PCSK6: variants seen among roughly 807,000 people sequenced by gnomAD.
PCSK6 encodes proprotein convertase subtilisin/kexin type 6.
PCSK6 carries 85 observed loss-of-function variants against 123.3 expected under a neutral mutation model. The observed-to-expected ratio is 0.69, with a 90% CI of 0.58 to 0.83. The LOEUF is 0.83. Among genes scored for constraint, PCSK6 ranks in the 40% least tolerant of loss-of-function variants. The probability of loss-of-function intolerance (pLI) is 0.00; values close to 1 mark genes in which losing one functional copy is unlikely to be tolerated. For synonymous variants in PCSK6, 508 were observed against 516.0 expected (o/e 0.98, Z 0.21); for missense variants, 1,191 against 1,282.3 (o/e 0.93, Z 1.09).
At chr15:101,381,623 G>C (rs2041912154) in intron 11 of PCSK6, among the ~76,000 whole-genome samples, 1 of 152,230 alleles carries the variant, frequency 6.6e-6, no homozygotes, top group African/African-American at 2.4e-5. Context: ...TGACCCAGCT[G>C]CTCCTGCTCA....
chr15:101,487,812 G>C (rs994776164), intron 1 of PCSK6, among the ~76,000 whole-genome samples: 1 of 152,150 alleles, frequency 6.6e-6, no homozygotes, highest in Admixed American at 6.5e-5. Context: ...AGAGACAAAC[G>C]AAGTCAGTGC....
chr15:101,356,289 C>T (rs2041038217), intron 13 of PCSK6, among the ~76,000 whole-genome samples: 2 of 152,074 alleles, frequency 1.3e-5, no homozygotes, highest in African/African-American at 4.8e-5. Context: ...GGAAGCTGCC[C>T]CCTCTTCCAC....
intron 13 of PCSK6, among the ~76,000 whole-genome samples, chr15:101,355,598 G>A (rs1393422968): frequency 6.6e-6 from 1 of 152,242 alleles, no homozygotes. Flanking sequence ...CAGCAGACCC[G>A]GCATGGGGCA....
chr15:101,392,600 T>TC (rs1324853505), intron 8 of PCSK6, among the ~76,000 whole-genome samples: 1 of 150,512 alleles, frequency 6.6e-6, no homozygotes, highest in Non-Finnish European at 1.5e-5. Context: ...CCTCTTTTTT[T>TC]TTTTTTTTTT....
intron 13 of PCSK6, chr15:101,347,173 G>T: frequency 1.6e-6 from 2 of 1,231,740 alleles, no homozygotes; most frequent in Non-Finnish European, 2.0e-6. Context: ...AGCCGGCACA[G>T]AAGGCATGTG....
intron 16 of PCSK6, among the ~76,000 whole-genome samples, chr15:101,325,601 A>G (rs73489226): frequency 0.011 from 1,734 of 152,332 alleles, 29 homozygotes; most frequent in African/African-American, 0.039. Context: ...GTGTCCTGTC[A>G]TCGTGGCCTC....
intron 21 of PCSK6, among the ~76,000 whole-genome samples, chr15:101,306,489 G>C (rs1337971299): frequency 1.3e-5 from 2 of 152,160 alleles, no homozygotes; most frequent in Non-Finnish European, 2.9e-5. Flanking sequence ...CTGGAGCAGA[G>C]AGCCTTCCTC....
intron 19 of PCSK6, chr15:101,313,915 A>G (rs1306985712): frequency 6.0e-6 from 1 of 166,054 alleles, no homozygotes; most frequent in South Asian, 1.7e-4. Context: ...AATATTTTAG[A>G]CACATTAGGT....
chr15:101,394,757 G>A (rs559762381), intron 7 of PCSK6, among the ~76,000 whole-genome samples: 5 of 152,284 alleles, frequency 3.3e-5, no homozygotes, highest in South Asian at 2.1e-4. Context: ...TGCTCTGTAC[G>A]CTCACACCAC....
chr15:101,465,472 G>A (rs1009731812), intron 1 of PCSK6, among the ~76,000 whole-genome samples: 6 of 152,196 alleles, frequency 3.9e-5, no homozygotes, highest in Admixed American at 1.3e-4. Flanking sequence ...AGCAGAGTGT[G>A]CGGACACACC....
chr15:101,337,653 C>T (rs531164029), intron 13 of PCSK6, among the ~76,000 whole-genome samples: 14 of 152,106 alleles, frequency 9.2e-5, no homozygotes, highest in East Asian at 1.9e-4. Flanking sequence ...TAATCGCATT[C>T]GACGTTATTT....
intron 11 of PCSK6, among the ~76,000 whole-genome samples, chr15:101,372,985 G>A (rs1482169385): frequency 6.6e-6 from 1 of 151,780 alleles, no homozygotes; most frequent in Non-Finnish European, 1.5e-5. Flanking sequence ...ACAGGGATGA[G>A]AGAACGGGAG....
At chr15:101,333,847 G>A (rs1250437534) in intron 13 of PCSK6, among the ~76,000 whole-genome samples, 2 of 152,160 alleles carry the variant, frequency 1.3e-5, no homozygotes, top group East Asian at 3.9e-4. Context: ...GGTGCGATTC[G>A]AAATGGCATT....
At chr15:101,370,804 G>A (rs912573006) in intron 11 of PCSK6, among the ~76,000 whole-genome samples, 2 of 152,256 alleles carry the variant, frequency 1.3e-5, no homozygotes, top group Non-Finnish European at 2.9e-5. Context: ...AGCTCTTTGG[G>A]AGGCCGAGGC....
intron 6 of PCSK6, among the ~76,000 whole-genome samples, chr15:101,412,472 G>A: frequency 6.6e-6 from 1 of 150,454 alleles, no homozygotes; most frequent in Admixed American, 6.6e-5. Flanking sequence ...TTTTAAAGAG[G>A]CCATGAAAAA....
intron 18 of PCSK6, among the ~76,000 whole-genome samples, chr15:101,320,728 G>T (rs1182379507): frequency 1.3e-5 from 2 of 152,128 alleles, no homozygotes; most frequent in East Asian, 3.9e-4. Flanking sequence ...GAGGGCCAGA[G>T]GCGGCGGCTC....
chr15:101,319,628 T>TGAATTGATCA (rs1354109602), intron 18 of PCSK6, among the ~76,000 whole-genome samples: 1 of 152,192 alleles, frequency 6.6e-6, no homozygotes, highest in Non-Finnish European at 1.5e-5. Flanking sequence ...GGCTGAAGGC[T>TGAATTGATCA]GAATTGATCA....
chr15:101,483,959 G>A (rs114242867), intron 1 of PCSK6, among the ~76,000 whole-genome samples: 1 of 152,214 alleles, frequency 6.6e-6, no homozygotes, highest in African/African-American at 2.4e-5. Flanking sequence ...GGTGTACCAT[G>A]TGCATCTCCC....
At chr15:101,403,426 A>AT (rs1330299246) in intron 6 of PCSK6, among the ~76,000 whole-genome samples, 1 of 89,602 alleles carries the variant, frequency 1.1e-5, no homozygotes, top group Non-Finnish European at 2.7e-5. Context: ...TATAATAATA[A>AT]TTAAAAAAAA....
Sources: allele counts gnomAD v4.1 joint callset (sites outside exome capture counted in the v4.1 genomes callset), GRCh38; gene constraint gnomAD v4.1.1; transcripts MANE v1.5; gene names NCBI Gene and HGNC (gene_info 2026-07-23, HGNC 2026-07-21).